Variants in MFSD2A observed in about 807,000 individuals in gnomAD.
MFSD2A encodes the protein MFSD2 lysolipid transporter A, lysophospholipid, also known as sodium-dependent lysophosphatidylcholine symporter 1.
In MFSD2A, 27 loss-of-function variants were observed where a neutral mutation model predicts 64.7. That is an observed-to-expected ratio of 0.42 (90% CI 0.31 to 0.58). The LOEUF (loss-of-function observed/expected upper bound fraction) is 0.58. MFSD2A is among the 20% of genes least tolerant of loss of function. MFSD2A has a pLI of 0.18. For synonymous variants in MFSD2A, 258 were observed against 273.4 expected (o/e 0.94, Z 0.55); for missense variants, 474 against 679.5 (o/e 0.70, Z 3.36).
chr1:39,969,274 C>T (rs1307742629), intron 13 of MFSD2A, among the ~76,000 whole-genome samples: 2 of 152,122 alleles, frequency 1.3e-5, no homozygotes, highest in African/African-American at 4.8e-5. Context: ...CATGCCAGCC[C>T]GTCAGCCAGC....
In MFSD2A at chr1:39,965,249, T is replaced by G; in HGVS notation, c.392T>G (p.Phe131Cys). The change falls in exon 4 of 14, where the codon TTC becomes TGC. Residue 131 changes from phenylalanine to cysteine, a missense_variant. Transcript: ENST00000372811. This position sits in a 1 kb window ranked among gnomAD's most constrained non-coding sequence, Gnocchi z 5.5. ...FSTPLAVIAY[F>C]LIWFVPDFPH... is the part of the protein sequence containing the mutation. Reference sequence around the variant, plus strand: ...ACGCCCCTGGCCGTCATTGCCTACTTCCTCATCTGGTTCGTGCCCGACTTC... The same window carrying G: ...ACGCCCCTGGCCGTCATTGCCTACTGCCTCATCTGGTTCGTGCCCGACTTC... The G allele has an allele frequency of 6.2e-7, 1 of 1,614,150 alleles. No individual in the cohort carries two copies. The highest frequency in any genetic ancestry group is 1.1e-5 in the South Asian group (1 of 91,078).
rs1239098844 is a variant in MFSD2A at position 39,969,616 on chromosome 1, A to T, written c.*48A>T. On this transcript the variant is annotated 3_prime_UTR_variant, in exon 14 of 14. Coordinates refer to ENST00000372811, the MANE Select transcript of MFSD2A (RefSeq NM_032793.5). ...CACCATGCAGAAGGCCACAGAAGGG[A>T]TCAGGACCTGTCTGCCGGCTTGCTG... is the stretch of plus-strand genomic sequence containing the variant. 6.4e-7 allele frequency: 1 copy of T among 1,560,958 alleles called. No individual in the cohort carries two copies. The highest frequency in any genetic ancestry group is 1.4e-5 in the African/African-American group (1 of 72,990).
rs144607079 is a variant in MFSD2A, at chr1:39,963,206, T to A, written c.354-2005T>A. 3,328 of 1,579,206 alleles carry A rather than the reference T, an allele frequency of 2.1e-3. 61 individuals carry two copies. The African/African-American group carries it at 0.04, about 19-fold the overall frequency. Reference sequence around the variant, plus strand: ...AGCTGCTCATGATGGCTGGTATCGATGACTGCTACACCTCAGCCCGGGGCT... The same window carrying A: ...AGCTGCTCATGATGGCTGGTATCGAAGACTGCTACACCTCAGCCCGGGGCT... On this transcript the variant is annotated intron_variant, in intron 3 of 13. Transcript: ENST00000372811. The surrounding 1 kb of genome is among the most constrained non-coding windows in gnomAD (Gnocchi z 4.2).
At position 39,955,181 on chromosome 1, in the gene MFSD2A, C is replaced by A. The variant is rs1006318232; in HGVS notation, c.-112C>A. The A allele has an allele frequency of 2.1e-5, 18 of 861,220 alleles. No homozygotes were observed. The highest frequency in any genetic ancestry group is 2.7e-5 in the Non-Finnish European group (17 of 636,134). The allele number at this position is 861,220 out of a possible 1,614,324, so 53.3% of individuals were successfully genotyped here. A position where few individuals can be genotyped will look rare whatever the true frequency, so the allele number is the denominator to read the frequency against. The stretch of plus-strand genomic sequence containing the variant: ...CTCGTCTGCCAGCCGGCTTGGCTAG[C>A]GCGCGGCGGCCGTGGCTAAGGCTGC... On this transcript the variant is annotated 5_prime_UTR_variant, in exon 1 of 14. Coordinates refer to ENST00000372811, the MANE Select transcript of MFSD2A (RefSeq NM_032793.5). The surrounding 1 kb of genome is among the most constrained non-coding windows in gnomAD (Gnocchi z 5.9).
At chr1:39,967,560 C>T in intron 9 of MFSD2A, 68 bp from the exon 10 acceptor site, 1 of 1,460,164 alleles carries the variant, frequency 6.8e-7, no homozygotes, top group Non-Finnish European at 9.6e-7. Context: ...CTTTGGGGTT[C>T]TGGGAAGGGC....
Position 39,969,464 on chromosome 1 carries a change from G to C in MFSD2A, c.1530-41G>C, listed in dbSNP as rs780275717. ...GCAGGTGGGGCTGAGGAGGGGTAAG[G>C]ATGGATGCTTCCTCCAACCCATCTC... On this transcript the variant is annotated intron_variant, in intron 13 of 13. Transcript: ENST00000372811. 6 of 1,577,208 alleles carry C rather than the reference G, an allele frequency of 3.8e-6. No individual in the cohort carries two copies. In the Admixed American group the frequency reaches 1.1e-4, roughly 29 times the overall value.
chr1:39,956,481 C>A (rs1447995826), intron 1 of MFSD2A, among the ~76,000 whole-genome samples: 1 of 152,096 alleles, frequency 6.6e-6, no homozygotes, highest in Non-Finnish European at 1.5e-5. Flanking sequence ...GCAGCTGGTG[C>A]CGGGTGGGGA....
chr1:39,967,013 A>G, intron 8 of MFSD2A, 73 bp from the exon 9 acceptor site: 1 of 1,609,810 alleles, frequency 6.2e-7, no homozygotes, highest in Non-Finnish European at 8.5e-7. Context: ...GGCTTGGGGG[A>G]TGTCTTGGGG....
chr1:39,965,170 CT>C lies in MFSD2A; in HGVS notation c.354-40del. 6.2e-7 allele frequency: 1 copy of C among 1,607,576 alleles called. No homozygotes were observed. The highest frequency in any genetic ancestry group is 8.5e-7 in the Non-Finnish European group (1 of 1,179,074). The stretch of plus-strand genomic sequence containing the variant: ...AGACTGGGCTGGGCCTGGTCCTGGG[CT>C]CCAGCCTCCAGCCTCCACTCACACC... On this transcript the variant is annotated intron_variant, in intron 3 of 13. Coordinates refer to ENST00000372811, the MANE Select transcript of MFSD2A (RefSeq NM_032793.5). This position sits in a 1 kb window ranked among gnomAD's most constrained non-coding sequence, Gnocchi z 5.5.
rs774297105 is a variant in MFSD2A at position 39,968,043 on chromosome 1, G to A, written c.1208+127G>A. ...TTCTGTGGGTCCAGGTTAGGAGTGG[G>A]GGAGGTCTGTCCTGTACAGTTGTAC... On this transcript the variant is annotated intron_variant, in intron 11 of 13. Transcript: ENST00000372811. The surrounding 1 kb of genome is among the most constrained non-coding windows in gnomAD (Gnocchi z 4.4). 34 of 661,802 alleles carry A rather than the reference G, an allele frequency of 5.1e-5. No homozygotes were observed. The highest frequency in any genetic ancestry group is 8.0e-5 in the Non-Finnish European group (31 of 388,740). The allele number at this position is 661,802 out of a possible 1,614,324, so 41.0% of individuals were successfully genotyped here. A position where few individuals can be genotyped will look rare whatever the true frequency, so the allele number is the denominator to read the frequency against.
In MFSD2A at chr1:39,969,732, C is replaced by T; in HGVS notation, c.*164C>T. On this transcript the variant is annotated 3_prime_UTR_variant, in exon 14 of 14. Transcript: ENST00000372811. ...TGTGCTCACTGTGGGGCCGGCTGCT[C>T]TGTGGCCTCCTGCCTCCCCTCTGCC... 1.5e-6 allele frequency: 1 copy of T among 646,392 alleles called. No homozygotes were observed. The highest frequency in any genetic ancestry group is 2.6e-6 in the Non-Finnish European group (1 of 381,958). The allele number at this position is 646,392 out of a possible 1,614,324, so 40.0% of individuals were successfully genotyped here. A position where few individuals can be genotyped will look rare whatever the true frequency, so the allele number is the denominator to read the frequency against.
At chr1:39,969,370 G>T in intron 13 of MFSD2A, 135 bp from the exon 14 acceptor site, 1 of 671,164 alleles carries the variant, frequency 1.5e-6, no homozygotes, top group East Asian at 3.0e-5. Flanking sequence ...GAAAGTGGGA[G>T]TGAGCAAACT....
In MFSD2A at chr1:39,966,631, A is replaced by G. The variant is rs776169997; in HGVS notation, c.745A>G (p.Ile249Val). Residue 249 changes from isoleucine to valine, a missense_variant, in exon 7 of 14, where the codon ATT becomes GTT. Physicochemically the swap from Ile to Val is conservative, Grantham distance 29. Coordinates refer to ENST00000372811, the MANE Select transcript of MFSD2A (RefSeq NM_032793.5). ...GGCATACCTGCTGGCAGCGGGGGTCATTGTCTGTATCTATATAATCTGTGC... is the reference window on the plus strand; with the variant it reads ...GGCATACCTGCTGGCAGCGGGGGTCGTTGTCTGTATCTATATAATCTGTGC... ...QKAYLLAAGVIVCIYIICAVI... is the reference protein window; with the variant it reads ...QKAYLLAAGVVVCIYIICAVI... 1.2e-6 allele frequency: 2 copies of G among 1,613,688 alleles called. No individual in the cohort carries two copies. The highest frequency in any genetic ancestry group is 1.7e-5 in the Admixed American group (1 of 59,926).
rs945659668 is a variant in MFSD2A, at chr1:39,961,379, C to T, written c.353+2554C>T. Among the ~76,000 whole-genome samples, 30 of 124,930 alleles carry T rather than the reference C, an allele frequency of 2.4e-4. 1 individual carries two copies. In the East Asian group the frequency reaches 4.4e-3, roughly 18 times the overall value. The allele number at this position is 124,930 out of a possible 152,430, so 82.0% of individuals were successfully genotyped here. The stretch of plus-strand genomic sequence containing the variant: ...TGTTTGTTTGTTTGAGACAGAGTCT[C>T]GCTCTGTCGCCCAGACTGGAGTGCA... On this transcript the variant is annotated intron_variant, in intron 3 of 13. Coordinates refer to ENST00000372811, the MANE Select transcript of MFSD2A (RefSeq NM_032793.5).
chr1:39,955,787 T>C lies in MFSD2A; in HGVS notation c.93+402T>C. 2.5e-6 allele frequency: 1 copy of C among 403,450 alleles called. No individual in the cohort carries two copies. Among genetic ancestry groups the C allele is most frequent in the South Asian group, 1.8e-5 (1 of 54,054 alleles). The allele number at this position is 403,450 out of a possible 1,614,324, so 25.0% of individuals were successfully genotyped here. On this transcript the variant is annotated intron_variant, in intron 1 of 13. Coordinates refer to ENST00000372811, the MANE Select transcript of MFSD2A (RefSeq NM_032793.5). The surrounding 1 kb of genome is among the most constrained non-coding windows in gnomAD (Gnocchi z 5.9). ...ACCTCCCACTCCACCCACCTACTCT[T>C]GCGCCTCAACTCTGCTGTTAGGGCC...
At position 39,967,064 on chromosome 1, in the gene MFSD2A, C is replaced by G. The variant is rs781407177; in HGVS notation, c.928-22C>G. On this transcript the variant is annotated intron_variant, in intron 8 of 13. Transcript: ENST00000372811. ...ATCACCTCCTTCCTTGCATTTCCTT[C>G]CCTACCTTGCTCCATGCCCAGCTGG... is the stretch of plus-strand genomic sequence containing the variant. 9 of 1,613,484 alleles carry G rather than the reference C, an allele frequency of 5.6e-6. No individual in the cohort carries two copies. The East Asian group carries it at 1.6e-4, about 28-fold the overall frequency.
chr1:39,957,274 CTA>C, intron 2 of MFSD2A, 53 bp downstream of exon 2: 1 of 1,498,500 alleles, frequency 6.7e-7, no homozygotes, highest in East Asian at 2.4e-5. Flanking sequence ...GTGGGAAAGA[CTA>C]TGCACCCCTG....
chr1:39,965,921 A>G lies in MFSD2A; in HGVS notation c.621A>G (p.Gln207=), dbSNP rs1645151000. 1 of 1,614,070 alleles carries G rather than the reference A, an allele frequency of 6.2e-7. No individual in the cohort carries two copies. Among genetic ancestry groups the G allele is most frequent in the Non-Finnish European group, 8.5e-7 (1 of 1,180,052 alleles). ...GTAIQGQIVG[Q]ADTPCFQDLN... ...CGATCCAGGGACAAATCGTGGGCCA[A>G]GCAGACACGCCTTGTTTCCAGGACC... Residue 207 remains glutamine, a synonymous_variant, in exon 6 of 14, where the codon CAA becomes CAG. Coordinates refer to ENST00000372811, the MANE Select transcript of MFSD2A (RefSeq NM_032793.5). The surrounding 1 kb of genome is among the most constrained non-coding windows in gnomAD (Gnocchi z 5.5).
At chr1:39,962,789 C>A (rs1239835214) in intron 3 of MFSD2A, 12 of 1,104,780 alleles carry the variant, frequency 1.1e-5, no homozygotes, top group Non-Finnish European at 1.5e-5. Flanking sequence ...TGCAGGAGAT[C>A]TATCTCTTCT....
Sources: gnomAD v4.1 joint callset for allele counts (sites outside exome capture counted in the v4.1 genomes callset) on GRCh38, gnomAD v4.1.1 for gene constraint, Gnocchi (gnomAD v3.1) non-coding constraint, MANE v1.5 for transcripts, NCBI Gene and HGNC (gene_info 2026-07-23, HGNC 2026-07-21) for gene names.